The following ZNF483 variants were observed in gnomAD, a reference collection of about 807,000 sequenced individuals.
ZNF483 encodes the protein zinc finger protein HIT-10.
In ZNF483, 9 loss-of-function variants were observed where a neutral mutation model predicts 28.6. The observed-to-expected ratio is 0.32, with a 90% CI of 0.19 to 0.55. The LOEUF is 0.55. Among genes scored for constraint, ZNF483 ranks in the 20% least tolerant of loss-of-function variants. The pLI, the probability that ZNF483 is intolerant of heterozygous loss-of-function variation, is 0.93. For synonymous variants in ZNF483, 322 were observed against 306.2 expected, an observed-to-expected ratio of 1.05 and a Z score of -0.54; for missense variants, 675 against 871.7, an observed-to-expected ratio of 0.77 and a Z score of 2.84.
At chr9:111,563,105 C>T (rs1351883374) in intron 5 of ZNF483, 10 of 1,611,682 alleles carry the variant, frequency 6.2e-6, no homozygotes, top group Non-Finnish European at 7.6e-6. Context: ...CCTCCAGATT[C>T]CATGTGTCCT....
At chr9:111,564,780 A>T (rs900922130) in intron 5 of ZNF483, among the ~76,000 whole-genome samples, 2 of 152,090 alleles carry the variant, frequency 1.3e-5, no homozygotes, top group Non-Finnish European at 2.9e-5. Context: ...AGTCCTAATC[A>T]CCAGTGCCTG....
chr9:111,536,091 C>A (rs2132239139), intron 5 of ZNF483, among the ~76,000 whole-genome samples: 1 of 150,854 alleles, frequency 6.6e-6, no homozygotes, highest in Middle Eastern at 3.4e-3. Flanking sequence ...GATGGCGTTT[C>A]CCCATGGAAA....
chr9:111,569,907 T>G, intron 5 of ZNF483: 2 of 919,762 alleles, frequency 2.2e-6, no homozygotes, highest in Non-Finnish European at 3.2e-6. Context: ...TTAGAGAGGG[T>G]TGTTTTGTTT....
In ZNF483 at chr9:111,549,704, A is replaced by G; in HGVS notation, c.*6534A>G. On this transcript the variant is annotated 3_prime_UTR_variant, in exon 6 of 6. Coordinates refer to ENST00000309235, the MANE Select transcript of ZNF483 (RefSeq NM_133464.5). Reference sequence around the variant, plus strand: ...TCTAAATGTTTGTAGTCCTTTTGTAAAGTGGACCCTTGCCTTCTAAGGTAA... The same window carrying G: ...TCTAAATGTTTGTAGTCCTTTTGTAGAGTGGACCCTTGCCTTCTAAGGTAA... 3 of 1,544,316 alleles carry G rather than the reference A, an allele frequency of 1.9e-6. No homozygotes were observed. In the South Asian group the frequency reaches 3.6e-5, roughly 19 times the overall value.
rs1334563865 is a variant in ZNF483 at position 111,544,808 on chromosome 9, A to T, written c.*1638A>T. 1.3e-5 allele frequency among the ~76,000 whole-genome samples: 2 copies of T among 152,180 alleles called. No individual in the cohort carries two copies. The highest frequency in any genetic ancestry group is 4.8e-5 in the African/African-American group (2 of 41,448). On this transcript the variant is annotated 3_prime_UTR_variant, in exon 6 of 6. Transcript: ENST00000309235. ...TGGTGGAGTCTGAATAATAATTTCC[A>T]ACTGAAAAAGGAACTTAAGGCCCTG...
At position 111,525,222 on chromosome 9, in the gene ZNF483, C is replaced by G. The variant is rs556161697; in HGVS notation, c.-169C>G. On this transcript the variant is annotated 5_prime_UTR_variant, in exon 1 of 6. Coordinates refer to ENST00000309235, the MANE Select transcript of ZNF483 (RefSeq NM_133464.5). ...GCTGCGGGACAAGCTTCTGGAAGCT[C>G]TTTGCGGTGGCGTTGGTGCTGTTTG... The G allele has an allele frequency of 6.6e-6, 1 of 152,294 alleles. No homozygotes were observed. The allele number at this position is 152,294 out of a possible 1,614,324, so 9.4% of individuals were successfully genotyped here.
intron 5 of ZNF483, among the ~76,000 whole-genome samples, chr9:111,536,715 C>T (rs1827512696): frequency 6.6e-6 from 1 of 151,734 alleles, no homozygotes; most frequent in Non-Finnish European, 1.5e-5. Flanking sequence ...ACCCCCCCCG[C>T]CCCCGTACAG....
Position 111,544,335 on chromosome 9 carries a change from T to A in ZNF483, c.*1165T>A, listed in dbSNP as rs1827752374. 1 of 974,818 alleles carries A rather than the reference T, an allele frequency of 1.0e-6. No homozygotes were observed. The allele number at this position is 974,818 out of a possible 1,614,324, so 60.4% of individuals were successfully genotyped here. ...TTAAAAGCTGTTATAACAATTTGCT[T>A]GGGTGTGTGTGCATGTGTGTGTGTG... is the stretch of plus-strand genomic sequence containing the variant. On this transcript the variant is annotated 3_prime_UTR_variant, in exon 6 of 6. Transcript: ENST00000309235.
At chr9:111,534,718 CTTTTTTT>C (rs67740162) in intron 5 of ZNF483, among the ~76,000 whole-genome samples, 1 of 88,130 alleles carries the variant, frequency 1.1e-5, no homozygotes, top group African/African-American at 4.5e-5. Flanking sequence ...GTCGTTCTAT[CTTTTTTT>C]TTTTTTTTTT....
chr9:111,530,790 TATATATATATACATATATATATATAA>T lies in ZNF483; in HGVS notation c.413-84_413-59del, dbSNP rs1383588876. ...ATATATATATATATATATATATATA[TATATATATATACATATATATATATAA>T]GATTTTTAGTCTGAGGAATCTGTAT... On this transcript the variant is annotated intron_variant, in intron 2 of 5. Transcript: ENST00000309235. The T allele has an allele frequency of 1.7e-3, 133 of 78,096 alleles. 3 individuals are homozygous for T. The highest frequency in any genetic ancestry group is 6.6e-3 in the African/African-American group (102 of 15,374). The allele number at this position is 78,096 out of a possible 1,614,324, so 4.8% of individuals were successfully genotyped here.
chr9:111,565,467 G>A (rs1323812189), intron 5 of ZNF483, among the ~76,000 whole-genome samples: 1 of 152,176 alleles, frequency 6.6e-6, no homozygotes, highest in Admixed American at 6.5e-5. Flanking sequence ...AGGATGCAGG[G>A]TATATGGGAG....
At position 111,544,099 on chromosome 9, in the gene ZNF483, C is replaced by T; in HGVS notation, c.*929C>T. The stretch of plus-strand genomic sequence containing the variant: ...TTCTTTTGGGCATTGGCCAACAGGA[C>T]TGAGAAGCCAGAGAGCTTGCACCTG... On this transcript the variant is annotated 3_prime_UTR_variant, in exon 6 of 6. Transcript: ENST00000309235. 1.0e-6 allele frequency: 1 copy of T among 985,396 alleles called. No individual in the cohort carries two copies. The highest frequency in any genetic ancestry group is 1.2e-6 in the Non-Finnish European group (1 of 829,974). The allele number at this position is 985,396 out of a possible 1,614,324, so 61.0% of individuals were successfully genotyped here. A position where few individuals can be genotyped will look rare whatever the true frequency, so the allele number is the denominator to read the frequency against.
chr9:111,536,823 T>TA (rs1278736777), intron 5 of ZNF483, among the ~76,000 whole-genome samples: 1 of 151,888 alleles, frequency 6.6e-6, no homozygotes, highest in Non-Finnish European at 1.5e-5. Flanking sequence ...CATAATTACA[T>TA]ATGTTATGTG....
At chr9:111,558,956 C>A (rs1181588773), downstream of ZNF483, among the ~76,000 whole-genome samples, 1 of 152,148 alleles carries the variant, frequency 6.6e-6, no homozygotes, top group African/African-American at 2.4e-5. Flanking sequence ...CCACTACCCC[C>A]TCTCCTGCAG....
chr9:111,564,312 T>TATTATG, intron 5 of ZNF483: 1 of 644,830 alleles, frequency 1.6e-6, no homozygotes, highest in Non-Finnish European at 2.0e-6. Flanking sequence ...TTATTATTAT[T>TATTATG]ATTATTATTC....
chr9:111,576,654 A>T, exon 6 of ZNF483: 1 of 479,986 alleles, frequency 2.1e-6, no homozygotes, highest in Non-Finnish European at 3.7e-6. Context: ...TTCAGATTAT[A>T]GTCTATGTGA....
At chr9:111,556,289 T>G (rs1589285556), downstream of ZNF483, among the ~76,000 whole-genome samples, 1 of 152,248 alleles carries the variant, frequency 6.6e-6, no homozygotes, top group East Asian at 1.9e-4. Flanking sequence ...CAGGGTACAA[T>G]TCCCATGGCT....
rs1827834350 is a variant in ZNF483, at chr9:111,547,508, T to C, written c.*4338T>C. Among the ~76,000 whole-genome samples the C allele has an allele frequency of 6.6e-6, 1 of 152,178 alleles. No individual in the cohort carries two copies. Among genetic ancestry groups the C allele is most frequent in the African/African-American group, 2.4e-5 (1 of 41,456 alleles). On this transcript the variant is annotated 3_prime_UTR_variant, in exon 6 of 6. Coordinates refer to ENST00000309235, the MANE Select transcript of ZNF483 (RefSeq NM_133464.5). ...AATTGGTTTTGTTGGCGTTGTTGTT[T>C]AGTTGTAGAAGTTCTTAATATATCC...
chr9:111,535,155 A>G (rs943457922), intron 5 of ZNF483, among the ~76,000 whole-genome samples: 3 of 152,158 alleles, frequency 2.0e-5, no homozygotes, highest in Non-Finnish European at 2.9e-5. Flanking sequence ...ACTGGGAGCA[A>G]CTCGTGGGAA....
Sources: gnomAD v4.1 joint callset for allele counts (sites outside exome capture counted in the v4.1 genomes callset) on GRCh38, gnomAD v4.1.1 for gene constraint, MANE v1.5 for transcripts, NCBI Gene and HGNC (gene_info 2026-07-23, HGNC 2026-07-21) for gene names.